The following AMBP variants were observed in gnomAD, a reference collection of about 807,000 sequenced individuals.
AMBP encodes the protein protein AMBP.
AMBP carries 37 observed loss-of-function variants against 46.3 expected under a neutral mutation model. That is an observed-to-expected ratio of 0.80 (90% confidence interval 0.61 to 1.05). AMBP has a LOEUF of 1.05. Ranked by LOEUF, AMBP falls within the 50% of genes least tolerant of loss-of-function variation. The pLI, the probability that AMBP is intolerant of heterozygous loss-of-function variation, is 0.00. For missense variants in AMBP, 475 were observed against 461.2 expected, an observed-to-expected ratio of 1.03 and a Z score of -0.27; for synonymous variants, 174 against 175.9, an observed-to-expected ratio of 0.99 and a Z score of 0.09.
chr9:114,064,995 G>A (rs956687323), intron 6 of AMBP, among the ~76,000 whole-genome samples: 4 of 151,328 alleles, frequency 2.6e-5, no homozygotes, highest in African/African-American at 9.8e-5. Flanking sequence ...TCACAGAATG[G>A]GAGGAATGGT....
chr9:114,077,284 C>T (rs1846824010), intron 1 of AMBP, among the ~76,000 whole-genome samples: 1 of 152,184 alleles, frequency 6.6e-6, no homozygotes, highest in Non-Finnish European at 1.5e-5. Context: ...CCTTTGCGTC[C>T]CAGACTGCCA....
chr9:114,061,210 G>C, intron 8 of AMBP, 112 bp from the exon 9 acceptor site: 1 of 1,423,232 alleles, frequency 7.0e-7, no homozygotes, highest in Middle Eastern at 1.8e-4. Context: ...CTCATCCCTC[G>C]TTGACAGATG....
intron 7 of AMBP, 30 bp from the exon 8 acceptor site, chr9:114,061,621 C>CA: frequency 6.4e-7 from 1 of 1,563,934 alleles, no homozygotes; most frequent in East Asian, 2.3e-5. Flanking sequence ...CAGCACTGAC[C>CA]AAGTGTTGAC....
chr9:114,073,469 A>C (rs1846767110), intron 4 of AMBP, among the ~76,000 whole-genome samples: 1 of 77,326 alleles, frequency 1.3e-5, no homozygotes, highest in Non-Finnish European at 2.6e-5. Context: ...GATGGTCTCA[A>C]TAGCCAGGAT....
At chr9:114,062,654 G>A (rs1440995306) in intron 7 of AMBP, 23 bp downstream of exon 7, 1 of 1,611,390 alleles carries the variant, frequency 6.2e-7, no homozygotes, top group Non-Finnish European at 8.5e-7. Flanking sequence ...GGCAGAGGGG[G>A]TGAAAAGGCA....
chr9:114,060,486 C>A (rs902031523), intron 9 of AMBP, among the ~76,000 whole-genome samples: 1 of 152,182 alleles, frequency 6.6e-6, no homozygotes, highest in African/African-American at 2.4e-5. Context: ...TCAATGGTTG[C>A]TCTTCCCTGG....
In AMBP at chr9:114,076,604, C is replaced by G; in HGVS notation, c.254G>C (p.Arg85Pro). Residue 85 changes from arginine (R) to proline (P), a missense_variant, in exon 2 of 10, where the codon CGT becomes CCT. Coordinates refer to ENST00000265132, the MANE Select transcript of AMBP (RefSeq NM_001633.4). Reference sequence around the variant, plus strand: ...GCCCCACCCTAGTGCTCACCGCCAACGAGTGCTGGTCATGCTGATCTCCGC... The same window carrying G: ...GCCCCACCCTAGTGCTCACCGCCAAGGAGTGCTGGTCATGCTGATCTCCGC... ...TEAEISMTSTRWRKGVCEETS... is the reference protein window; with the variant it reads ...TEAEISMTSTPWRKGVCEETS... 1 of 1,613,628 alleles carries G rather than the reference C, an allele frequency of 6.2e-7. No individual in the cohort carries two copies. Among genetic ancestry groups the G allele is most frequent in the Non-Finnish European group, 8.5e-7 (1 of 1,179,900 alleles).
At position 114,072,919 on chromosome 9, in the gene AMBP, A is replaced by G. The variant is rs111706984; in HGVS notation, c.556+6T>C. The G allele has an allele frequency of 7.5e-4, 1,205 of 1,613,432 alleles. 2 individuals are homozygous for G. In the African/African-American group the frequency reaches 0.014, roughly 19 times the overall value. On this transcript the variant is annotated splice_donor_region_variant and intron_variant, in intron 5 of 9. Coordinates refer to ENST00000265132, the MANE Select transcript of AMBP (RefSeq NM_001633.4). The stretch of plus-strand genomic sequence containing the variant: ...CAGGAATTTGAGGCGGAGGGGTGCT[A>G]TGTACCTCGGTCAGCCATGGTGAAG...
chr9:114,060,776 G>A, intron 9 of AMBP, 149 bp downstream of exon 9: 1 of 967,532 alleles, frequency 1.0e-6, no homozygotes, highest in Non-Finnish European at 1.5e-6. Flanking sequence ...TAAGGCCCCA[G>A]GCTCAGCCCC....
intron 8 of AMBP, 142 bp from the exon 9 acceptor site, chr9:114,061,240 G>T: frequency 7.2e-7 from 1 of 1,390,290 alleles, no homozygotes; most frequent in Non-Finnish European, 9.7e-7. Flanking sequence ...GGGCCCACAG[G>T]AAGAAAATGA....
chr9:114,067,188 C>T (rs10156468), intron 6 of AMBP, among the ~76,000 whole-genome samples: 3,689 of 152,156 alleles, frequency 0.024, 152 homozygotes, highest in African/African-American at 0.08. Context: ...ATCTGCCCGC[C>T]TCACCTCCCA....
intron 6 of AMBP, among the ~76,000 whole-genome samples, chr9:114,066,894 A>T (rs1321638734): frequency 1.4e-4 from 21 of 152,244 alleles, no homozygotes; most frequent in Admixed American, 1.4e-3. Flanking sequence ...GAAGAAATGT[A>T]ATCTGTATAT....
intron 7 of AMBP, 57 bp downstream of exon 7, chr9:114,062,620 G>A (rs1846651741): frequency 1.3e-6 from 2 of 1,565,076 alleles, no homozygotes; most frequent in Non-Finnish European, 1.8e-6. Context: ...TGAGCCAACT[G>A]TGGGCCCTTC....
chr9:114,069,816 G>T (rs1298233342), intron 5 of AMBP, 71 bp from the exon 6 acceptor site: 1 of 1,510,322 alleles, frequency 6.6e-7, no homozygotes, highest in African/African-American at 1.4e-5. Flanking sequence ...ACCCGGATTT[G>T]TATCTTTGGT....
intron 1 of AMBP, 125 bp downstream of exon 1, chr9:114,077,968 C>T (rs2134858605): frequency 1.1e-6 from 1 of 933,484 alleles, no homozygotes; most frequent in East Asian, 2.4e-5. Flanking sequence ...CAAAGGATCC[C>T]ATAATCCCAG....
In AMBP at chr9:114,061,409, G is replaced by A. The variant is rs373431407; in HGVS notation, c.853+15C>T. On this transcript the variant is annotated intron_variant, in intron 8 of 9. Transcript: ENST00000265132. ...TGAGGGTGCAGAGCGCACAGGGGTG[G>A]GGACCCGCACTCACCCACAGTTCGG... is the stretch of plus-strand genomic sequence containing the variant. 434 of 1,613,874 alleles carry A rather than the reference G, an allele frequency of 2.7e-4. No individual in the cohort carries two copies. Among genetic ancestry groups the A allele is most frequent in the Non-Finnish European group, 3.5e-4 (414 of 1,179,950 alleles).
intron 2 of AMBP, among the ~76,000 whole-genome samples, chr9:114,075,458 G>A (rs1309539465): frequency 6.6e-6 from 1 of 152,210 alleles, no homozygotes; most frequent in Non-Finnish European, 1.5e-5. Flanking sequence ...TACCTCACAT[G>A]GTTAGTGTGA....
intron 5 of AMBP, among the ~76,000 whole-genome samples, chr9:114,070,366 T>C (rs1303855727): frequency 6.6e-6 from 1 of 152,044 alleles, no homozygotes; most frequent in African/African-American, 2.4e-5. Flanking sequence ...TGCAGCCAGG[T>C]AGACCCCACT....
chr9:114,068,531 G>A (rs757298284), intron 6 of AMBP, among the ~76,000 whole-genome samples: 5 of 151,866 alleles, frequency 3.3e-5, no homozygotes, highest in Non-Finnish European at 4.4e-5. Context: ...ACTTGAACCC[G>A]GGAGGCGGAG....
Sources: gnomAD v4.1 joint callset for allele counts (sites outside exome capture counted in the v4.1 genomes callset) on GRCh38, gnomAD v4.1.1 for gene constraint, MANE v1.5 for transcripts, NCBI Gene and HGNC (gene_info 2026-07-23, HGNC 2026-07-21) for gene names.